TANGO6: variants seen among roughly 807,000 people sequenced by gnomAD.
The protein encoded by TANGO6 is transport and golgi organization 6 homolog.
A neutral mutation model predicts 114.2 loss-of-function variants in TANGO6; 90 were observed. That is an observed-to-expected ratio of 0.79 (90% confidence interval 0.66 to 0.94). TANGO6 has a LOEUF of 0.94. Among genes scored for constraint, TANGO6 ranks in the 40% least tolerant of loss-of-function variants. TANGO6 has a pLI of 0.00. For synonymous variants in TANGO6, 477 were observed against 509.8 expected, an observed-to-expected ratio of 0.94 and a Z score of 0.87; for missense variants, 1,274 against 1,315.3, an observed-to-expected ratio of 0.97 and a Z score of 0.49.
chr16:68,958,445 C>T (rs1379652808), intron 14 of TANGO6, among the ~76,000 whole-genome samples: 35 of 142,310 alleles, frequency 2.5e-4, no homozygotes, highest in African/African-American at 8.7e-4. Context: ...GCTGAGATCG[C>T]GCCACTGCAC....
At chr16:68,933,615 A>G (rs146916733) in intron 14 of TANGO6, among the ~76,000 whole-genome samples, 2 of 152,308 alleles carry the variant, frequency 1.3e-5, no homozygotes, top group Non-Finnish European at 1.5e-5. Flanking sequence ...GTGGCCTACC[A>G]GGGCTTGTTC....
intron 15 of TANGO6, among the ~76,000 whole-genome samples, chr16:68,987,311 T>C (rs1185723701): frequency 6.6e-6 from 1 of 152,198 alleles, no homozygotes; most frequent in Non-Finnish European, 1.5e-5. Context: ...CAAAGTGGAA[T>C]TACTGGGTCA....
chr16:69,058,687 A>G (rs1346242933), intron 17 of TANGO6, among the ~76,000 whole-genome samples: 1 of 152,112 alleles, frequency 6.6e-6, no homozygotes, highest in Non-Finnish European at 1.5e-5. Context: ...TTTTTTTGAG[A>G]CGGAGTCTCG....
chr16:69,080,588 C>T (rs1960448972), intron 17 of TANGO6, among the ~76,000 whole-genome samples: 1 of 152,114 alleles, frequency 6.6e-6, no homozygotes, highest in Non-Finnish European at 1.5e-5. Flanking sequence ...CAGAAATATA[C>T]ACATGTGTGC....
chr16:69,077,226 AT>A (rs980181632), intron 17 of TANGO6, among the ~76,000 whole-genome samples: 3 of 149,786 alleles, frequency 2.0e-5, no homozygotes, highest in African/African-American at 2.5e-5. Context: ...ATTTTATTTT[AT>A]TTTTTTTTAG....
chr16:68,884,200 G>A (rs779554148), intron 7 of TANGO6, among the ~76,000 whole-genome samples: 1 of 152,032 alleles, frequency 6.6e-6, no homozygotes, highest in Non-Finnish European at 1.5e-5. Context: ...ATAAGCCACC[G>A]TGCCCGGCCT....
intron 7 of TANGO6, 97 bp from the exon 8 acceptor site, chr16:68,900,337 C>T (rs80250089): frequency 3.3e-6 from 3 of 915,808 alleles, no homozygotes; most frequent in Non-Finnish European, 3.5e-6. Flanking sequence ...TGAGATATTG[C>T]TTAAGACGCT....
Position 68,867,116 on chromosome 16 carries a change from C to A in TANGO6, c.890C>A (p.Ala297Asp). Residue 297 changes from alanine (A) to aspartate (D), a missense_variant, in exon 4 of 18, where the codon GCC becomes GAC. By Grantham distance (126) the Ala-to-Asp change is moderately radical. Transcript: ENST00000261778. ...TDVKTQMRCR[A>D]PAWLRRLCGQ... ...GTGAAGACACAGATGAGGTGTCGGG[C>A]CCCAGCTTGGCTTCGGCGTCTATGT... 1 of 1,613,634 alleles carries A rather than the reference C, an allele frequency of 6.2e-7. No homozygotes were observed. The highest frequency in any genetic ancestry group is 2.2e-5 in the East Asian group (1 of 44,854).
intron 16 of TANGO6, among the ~76,000 whole-genome samples, chr16:69,037,848 G>A (rs544457138): frequency 5.3e-5 from 8 of 152,298 alleles, no homozygotes; most frequent in South Asian, 2.1e-4. Flanking sequence ...CATCACAGAC[G>A]CAATTATGCT....
At chr16:68,851,581 G>A (rs1457626480) in intron 1 of TANGO6, among the ~76,000 whole-genome samples, 2 of 152,176 alleles carry the variant, frequency 1.3e-5, no homozygotes, top group East Asian at 3.8e-4. Context: ...GGACATTTGG[G>A]TTGTTTTCAA....
At chr16:68,896,719 G>A (rs1053986713) in intron 7 of TANGO6, among the ~76,000 whole-genome samples, 1 of 152,136 alleles carries the variant, frequency 6.6e-6, no homozygotes, top group Non-Finnish European at 1.5e-5. Context: ...GGTGGCAATT[G>A]TGTATAGATC....
At chr16:68,895,452 C>T (rs191768712) in intron 7 of TANGO6, among the ~76,000 whole-genome samples, 53 of 152,322 alleles carry the variant, frequency 3.5e-4, no homozygotes, top group Admixed American at 3.3e-3. Context: ...ATTCAGGTAA[C>T]ACTACTTCAT....
intron 1 of TANGO6, among the ~76,000 whole-genome samples, chr16:68,858,291 T>C (rs563233464): frequency 2.0e-5 from 3 of 152,320 alleles, no homozygotes; most frequent in East Asian, 1.9e-4. Flanking sequence ...CTCCAACTCC[T>C]GACCTCAAGT....
chr16:68,849,972 T>C (rs1961875282), intron 1 of TANGO6, among the ~76,000 whole-genome samples: 1 of 80,292 alleles, frequency 1.2e-5, no homozygotes, highest in South Asian at 3.4e-4. Flanking sequence ...CTAGCGGTTC[T>C]TTTTTTTTTT....
chr16:68,941,852 A>G (rs561205602), intron 14 of TANGO6, among the ~76,000 whole-genome samples: 27 of 152,218 alleles, frequency 1.8e-4, no homozygotes, highest in African/African-American at 5.1e-4. Context: ...GCATAGTGGC[A>G]TGTGCCTGTA....
intron 12 of TANGO6, among the ~76,000 whole-genome samples, chr16:68,919,890 A>T (rs142379549): frequency 0.012 from 1,545 of 128,444 alleles, 31 homozygotes; most frequent in African/African-American, 0.042. Context: ...AAAAATATTT[A>T]AAAAAAATTA....
chr16:68,907,265 G>C (rs150206827), intron 9 of TANGO6, among the ~76,000 whole-genome samples, 178 bp from the exon 10 acceptor site: 38 of 152,184 alleles, frequency 2.5e-4, no homozygotes, highest in Non-Finnish European at 4.3e-4. Context: ...CCTAGTTTCT[G>C]ATAATCAATA....
chr16:69,076,706 G>A (rs867143285), intron 17 of TANGO6, among the ~76,000 whole-genome samples: 7 of 152,146 alleles, frequency 4.6e-5, no homozygotes, highest in African/African-American at 1.7e-4. Context: ...TGCCTGCCTT[G>A]TACTTGCTTC....
intron 15 of TANGO6, among the ~76,000 whole-genome samples, chr16:69,002,762 T>C (rs1964055279): frequency 6.6e-6 from 1 of 152,060 alleles, no homozygotes; most frequent in African/African-American, 2.4e-5. Context: ...TCCTTTTGGG[T>C]CAGGTGCGGT....
Sources: allele counts gnomAD v4.1 joint callset (sites outside exome capture counted in the v4.1 genomes callset), GRCh38; gene constraint gnomAD v4.1.1; transcripts MANE v1.5; gene names NCBI Gene and HGNC (gene_info 2026-07-23, HGNC 2026-07-21).